CPT1A: variants seen among roughly 807,000 people sequenced by gnomAD.
The protein encoded by CPT1A is carnitine palmitoyltransferase 1A.
A neutral mutation model predicts 100.8 loss-of-function variants in CPT1A; 64 were observed. That is an observed-to-expected ratio of 0.63 (90% CI 0.52 to 0.78). The LOEUF (loss-of-function observed/expected upper bound fraction) is 0.78. Among genes scored for constraint, CPT1A ranks in the 30% least tolerant of loss-of-function variants. CPT1A has a pLI of 0.00. For missense variants in CPT1A, 802 were observed against 1,034.1 expected (o/e 0.78, Z 3.08); for synonymous variants, 363 against 396.0 (o/e 0.92, Z 0.99).
In CPT1A at chr11:68,804,038, G is replaced by A. The variant is rs774388890; in HGVS notation, c.517C>T (p.Arg173Cys). The A allele has an allele frequency of 1.9e-5, 31 of 1,613,972 alleles. No homozygotes were observed. Among genetic ancestry groups the A allele is most frequent in the Admixed American group, 1.3e-4 (8 of 60,002 alleles). The stretch of plus-strand genomic sequence containing the variant: ...TCTTTGACAGCCGGGACCGGCAGGC[G>A]AGGCAGCGATGTCTGGAAGCTGTAC... ...MLYSFQTSLPRLPVPAVKDTV... is the reference protein window; with the variant it reads ...MLYSFQTSLPCLPVPAVKDTV... Residue 173 changes from arginine (R) to cysteine (C), a missense_variant, in exon 5 of 19, where the codon CGC (arginine) becomes TGC (cysteine). Around this residue, in one of 4 missense-constraint regions of CPT1A, gnomAD observed 627 missense variants for 799.3 expected, o/e 0.78. Coordinates refer to ENST00000265641, the MANE Select transcript of CPT1A (RefSeq NM_001876.4).
In CPT1A at chr11:68,755,192, A is replaced by G; in HGVS notation, c.*2452T>C. ...CATTTAAAACCTGAGAGAGAAACCC[A>G]AATATGTTTAAGCACTCACGTCTAC... On this transcript the variant is annotated 3_prime_UTR_variant, in exon 19 of 19. Coordinates refer to ENST00000265641, the MANE Select transcript of CPT1A (RefSeq NM_001876.4). The G allele has an allele frequency of 1.7e-5, 5 of 287,512 alleles. No homozygotes were observed. The highest frequency in any genetic ancestry group is 3.4e-5 in the Non-Finnish European group (5 of 148,384). 17.8% of individuals were successfully genotyped at this position (287,512 alleles called of 1,614,324 possible). A position where few individuals can be genotyped will look rare whatever the true frequency, so the allele number is the denominator to read the frequency against.
intron 9 of CPT1A, among the ~76,000 whole-genome samples, chr11:68,785,263 C>T (rs182776752): frequency 4.7e-4 from 72 of 152,176 alleles, no homozygotes; most frequent in Admixed American, 1.6e-3. Context: ...ACAAATTACC[C>T]GAGGCCAGGC....
upstream of CPT1A, chr11:68,842,017 G>T: frequency 1.0e-6 from 1 of 965,670 alleles, no homozygotes; most frequent in Non-Finnish European, 1.2e-6. Flanking sequence ...GCGGGGCTAG[G>T]AGGGGAGGGA....
At position 68,841,428 on chromosome 11, in the gene CPT1A, G is replaced by C. The variant is rs1216499386; in HGVS notation, c.-14+347C>G. Among the ~76,000 whole-genome samples, 1 of 151,024 alleles carries C rather than the reference G, an allele frequency of 6.6e-6. No individual in the cohort carries two copies. Among genetic ancestry groups the C allele is most frequent in the Non-Finnish European group, 1.5e-5 (1 of 67,656 alleles). On this transcript the variant is annotated intron_variant, in intron 1 of 18. Coordinates refer to ENST00000265641, the MANE Select transcript of CPT1A (RefSeq NM_001876.4). This position sits in a 1 kb window ranked among gnomAD's most constrained non-coding sequence, Gnocchi z 6.3. ...GCGGATTAAGGAGTGGGAGACAAGG[G>C]AGCCGGTGGCCCCGCTGGCCCCGGG...
chr11:68,763,376 T>C (rs1854686782), intron 14 of CPT1A, among the ~76,000 whole-genome samples: 2 of 151,816 alleles, frequency 1.3e-5, no homozygotes, highest in South Asian at 4.2e-4. Flanking sequence ...CCTGCAGCAG[T>C]GTACAGAAGG....
At chr11:68,796,519 G>A (rs901864945) in intron 7 of CPT1A, among the ~76,000 whole-genome samples, 1 of 152,162 alleles carries the variant, frequency 6.6e-6, no homozygotes, top group Non-Finnish European at 1.5e-5. Context: ...TCGTGCCATT[G>A]CACTCCAGCC....
chr11:68,843,210 G>A (rs1213129065), upstream of CPT1A, among the ~76,000 whole-genome samples: 2 of 151,980 alleles, frequency 1.3e-5, no homozygotes, highest in Non-Finnish European at 2.9e-5. This position sits in a 1 kb window ranked among gnomAD's most constrained non-coding sequence, Gnocchi z 4.0. Context: ...CTGTCTGTAA[G>A]GCTGTTTTGT....
At position 68,755,576 on chromosome 11, in the gene CPT1A, A is replaced by G. The variant is rs1296172991; in HGVS notation, c.*2068T>C. ...AGGCGCCCGCCACCACGCCCGGCTC[A>G]TTTTTTGAATTTTTAGTAGAGACGG... is the stretch of plus-strand genomic sequence containing the variant. On this transcript the variant is annotated 3_prime_UTR_variant, in exon 19 of 19. Coordinates refer to ENST00000265641, the MANE Select transcript of CPT1A (RefSeq NM_001876.4). 2 of 151,554 alleles carry G rather than the reference A, an allele frequency of 1.3e-5. No individual in the cohort carries two copies. The highest frequency in any genetic ancestry group is 1.3e-4 in the Admixed American group (2 of 15,216). The allele number at this position is 151,554 out of a possible 1,614,324, so 9.4% of individuals were successfully genotyped here. A position where few individuals can be genotyped will look rare whatever the true frequency, so the allele number is the denominator to read the frequency against.
chr11:68,772,341 G>A (rs1855013171), intron 14 of CPT1A, among the ~76,000 whole-genome samples: 7 of 152,158 alleles, frequency 4.6e-5, no homozygotes, highest in Admixed American at 4.6e-4. Flanking sequence ...TAACAAGAGT[G>A]AGATTCTGTC....
intron 1 of CPT1A, among the ~76,000 whole-genome samples, chr11:68,837,359 C>T (rs1857034693): frequency 6.6e-6 from 1 of 152,178 alleles, no homozygotes; most frequent in South Asian, 2.1e-4. Context: ...ACAGTTTCTC[C>T]AGGGCATCAG....
chr11:68,783,070 G>A (rs372761282), intron 10 of CPT1A, among the ~76,000 whole-genome samples: 7 of 152,074 alleles, frequency 4.6e-5, no homozygotes, highest in South Asian at 2.1e-4. Context: ...TCCTGCCGCC[G>A]CTCTTTCCAG....
chr11:68,839,810 C>G (rs931340880), intron 1 of CPT1A: 1 of 638,260 alleles, frequency 1.6e-6, no homozygotes, highest in Admixed American at 6.3e-5. Context: ...CTTGACCGCT[C>G]GGTGACCACT....
chr11:68,788,514 G>A (rs538385586), intron 9 of CPT1A, among the ~76,000 whole-genome samples: 10 of 151,544 alleles, frequency 6.6e-5, no homozygotes, highest in Non-Finnish European at 1.2e-4. Context: ...CAGGACAATC[G>A]CTTGAAACTG....
chr11:68,839,586 G>A (rs1255923892), intron 1 of CPT1A: 1 of 985,390 alleles, frequency 1.0e-6, no homozygotes, highest in African/African-American at 1.7e-5. Context: ...GCGGTGCCCA[G>A]CTGTGGGGAC....
chr11:68,808,523 C>A (rs1329700943), intron 3 of CPT1A, among the ~76,000 whole-genome samples: 4 of 151,704 alleles, frequency 2.6e-5, no homozygotes, highest in African/African-American at 9.7e-5. Flanking sequence ...AGGTGCGCAC[C>A]ACCACATCCA....
chr11:68,775,748 C>T (rs568406627), intron 12 of CPT1A, among the ~76,000 whole-genome samples: 8 of 152,324 alleles, frequency 5.3e-5, no homozygotes, highest in South Asian at 2.1e-4. Flanking sequence ...GTAGCATCAG[C>T]GGCATCCAAG....
intron 1 of CPT1A, among the ~76,000 whole-genome samples, chr11:68,838,482 T>C (rs1055388949): frequency 1.4e-5 from 2 of 146,136 alleles, no homozygotes; most frequent in Non-Finnish European, 3.0e-5. Flanking sequence ...AAACATATCC[T>C]GTACATGTCG....
chr11:68,814,978 C>A (rs1459032424), intron 2 of CPT1A, among the ~76,000 whole-genome samples: 1 of 152,208 alleles, frequency 6.6e-6, no homozygotes, highest in Non-Finnish European at 1.5e-5. Context: ...TGAGCCACTG[C>A]ACCTGGCCTG....
intron 3 of CPT1A, 105 bp downstream of exon 3, chr11:68,812,332 A>G: frequency 3.4e-6 from 5 of 1,470,522 alleles, no homozygotes; most frequent in Non-Finnish European, 4.8e-6. Context: ...CAGGAGCTTC[A>G]TATGGAATCC....
Sources: allele counts gnomAD v4.1 joint callset (sites outside exome capture counted in the v4.1 genomes callset), GRCh38; gene constraint gnomAD v4.1.1; regional missense constraint gnomAD v4.1.1; non-coding constraint Gnocchi (gnomAD v3.1); transcripts MANE v1.5; gene names NCBI Gene and HGNC (gene_info 2026-07-23, HGNC 2026-07-21).